CBFA2T3: variants seen among roughly 807,000 people sequenced by gnomAD.
CBFA2T3 encodes transcriptional corepressor CBFA2T3.
CBFA2T3 carries 31 observed loss-of-function variants against 58.6 expected under a neutral mutation model. The observed-to-expected ratio is 0.53, with a 90% CI of 0.40 to 0.71. CBFA2T3 has a LOEUF of 0.71. CBFA2T3 is among the 30% of genes least tolerant of loss of function. CBFA2T3 has a pLI of 0.00. For synonymous variants in CBFA2T3, 531 were observed against 421.9 expected (o/e 1.26, Z -3.17); for missense variants, 1,076 against 963.1 (o/e 1.12, Z -1.55).
intron 9 of CBFA2T3, 128 bp from the exon 10 acceptor site, chr16:88,880,916 G>A (rs1969043030): frequency 2.3e-6 from 2 of 875,792 alleles, no homozygotes; most frequent in African/African-American, 1.7e-5. Flanking sequence ...GGAGGCCCAG[G>A]TGCCCTCGGA....
rs924737729 is a variant in CBFA2T3, at chr16:88,953,242, C to T, written c.151+23415G>A. Among the ~76,000 whole-genome samples the T allele has an allele frequency of 1.3e-5, 2 of 152,166 alleles. No individual in the cohort carries two copies. Among genetic ancestry groups the T allele is most frequent in the African/African-American group, 4.8e-5 (2 of 41,432 alleles). On this transcript the variant is annotated intron_variant, in intron 1 of 11. Transcript: ENST00000268679. The surrounding 1 kb of genome is among the most constrained non-coding windows in gnomAD (Gnocchi z 4.9). ...CCAGACCCGCTCCCGGTGGAGAGGC[C>T]GAGGGACCCTCATTTCTACGTTTGC... is the stretch of plus-strand genomic sequence containing the variant.
At chr16:88,911,212 G>A (rs951596039) in intron 1 of CBFA2T3, among the ~76,000 whole-genome samples, 2 of 152,262 alleles carry the variant, frequency 1.3e-5, no homozygotes, top group Non-Finnish European at 2.9e-5. Flanking sequence ...GCCGTGGACA[G>A]GAACAAGGGA....
Position 88,881,448 on chromosome 16 carries a change from GC to G in CBFA2T3, c.1244del (p.Arg415ProfsTer53). 6.2e-7 allele frequency: 1 copy of G among 1,609,846 alleles called. No homozygotes were observed. The highest frequency in any genetic ancestry group is 8.5e-7 in the Non-Finnish European group (1 of 1,178,480). On this transcript the variant is annotated frameshift_variant, in exon 9 of 12. Coordinates refer to ENST00000268679, the MANE Select transcript of CBFA2T3 (RefSeq NM_005187.6). LOFTEE classifies it high-confidence loss of function. ...CIMDMVEKTRRSLTVLRRCQE... is the reference protein window; with the variant it reads ...CIMDMVEKTRXSLTVLRRCQE... ...GGCACCTGCGCAGCACCGTGAGCGA[GC>G]GCCGCGTCTTCTCCACCATGTCCAT...
chr16:88,966,385 G>A (rs374298420), intron 1 of CBFA2T3, among the ~76,000 whole-genome samples: 11 of 151,952 alleles, frequency 7.2e-5, no homozygotes, highest in Admixed American at 3.3e-4. Flanking sequence ...AGAGCAGAGC[G>A]GGGGATCGCG....
At chr16:88,936,225 C>G (rs895320024) in intron 1 of CBFA2T3, among the ~76,000 whole-genome samples, 1 of 152,216 alleles carries the variant, frequency 6.6e-6, no homozygotes. Flanking sequence ...CTGACTGCCC[C>G]GGGCATTTCC....
chr16:88,902,030 C>T (rs1171431815), intron 1 of CBFA2T3, among the ~76,000 whole-genome samples: 1 of 152,194 alleles, frequency 6.6e-6, no homozygotes, highest in East Asian at 1.9e-4. Context: ...GGGGGGTGTT[C>T]AGACAGACCT....
chr16:88,901,517 G>A lies in CBFA2T3; in HGVS notation c.291C>T (p.Phe97=). ...GGGGCTACTTACGTGTGTGTGGCGTGAAGGAGGGGGGGCGTGTGGCCCCCT... is the reference window on the plus strand; with the variant it reads ...GGGGCTACTTACGTGTGTGTGGCGTAAAGGAGGGGGGGCGTGTGGCCCCCT... The part of the protein sequence containing the change: ...ASQGATRPPS[F]TPHTHREDGP... Residue 97 remains phenylalanine, a synonymous_variant, in exon 2 of 12, where the codon TTC becomes TTT. Coordinates refer to ENST00000268679, the MANE Select transcript of CBFA2T3 (RefSeq NM_005187.6). The A allele has an allele frequency of 2.0e-6, 3 of 1,476,940 alleles. No individual in the cohort carries two copies. The highest frequency in any genetic ancestry group is 1.5e-5 in the African/African-American group (1 of 67,368). The allele number at this position is 1,476,940 out of a possible 1,614,324, so 91.5% of individuals were successfully genotyped here. A position where few individuals can be genotyped will look rare whatever the true frequency, so the allele number is the denominator to read the frequency against.
chr16:88,976,969 C>T lies in CBFA2T3; in HGVS notation c.-162G>A. The stretch of plus-strand genomic sequence containing the variant: ...CCCTGGAAAGCCGAGGCCCTCCCGG[C>T]CACCAACTGGGTGTCCTCTGCCCTG... On this transcript the variant is annotated 5_prime_UTR_variant, in exon 1 of 12. It introduces an in-frame stop codon into an upstream open reading frame of the 5' UTR. Transcript: ENST00000268679. The T allele has an allele frequency of 1.3e-6, 1 of 799,408 alleles. No individual in the cohort carries two copies. The highest frequency in any genetic ancestry group is 1.9e-6 in the Non-Finnish European group (1 of 522,544). 49.5% of individuals were successfully genotyped at this position (799,408 alleles called of 1,614,324 possible). A position where few individuals can be genotyped will look rare whatever the true frequency, so the allele number is the denominator to read the frequency against.
intron 10 of CBFA2T3, 189 bp from the exon 11 acceptor site, chr16:88,879,649 C>A (rs1266530804): frequency 6.9e-6 from 4 of 576,432 alleles, no homozygotes; most frequent in African/African-American, 3.7e-5. Context: ...TGTGCACACA[C>A]AGACACACGT....
chr16:88,911,971 C>T lies in CBFA2T3; in HGVS notation c.152-10315G>A, dbSNP rs149156088. On this transcript the variant is annotated intron_variant, in intron 1 of 11. Transcript: ENST00000268679. ...TGCCCACCGGCTGCCATCACCAACACGAACAGGTACCCAGGGCATGCCTTC... is the reference window on the plus strand; with the variant it reads ...TGCCCACCGGCTGCCATCACCAACATGAACAGGTACCCAGGGCATGCCTTC... Among the ~76,000 whole-genome samples, 552 of 152,362 alleles carry T rather than the reference C, an allele frequency of 3.6e-3. 1 individual carries two copies. Among genetic ancestry groups the T allele is most frequent in the African/African-American group, 0.013 (527 of 41,600 alleles).
At chr16:88,908,320 C>A (rs1374195159) in intron 1 of CBFA2T3, among the ~76,000 whole-genome samples, 2 of 148,752 alleles carry the variant, frequency 1.3e-5, no homozygotes, top group African/African-American at 5.0e-5. Context: ...CCAGCCTGGA[C>A]AACGGAGCGA....
chr16:88,947,961 C>T (rs1222292787), intron 1 of CBFA2T3, among the ~76,000 whole-genome samples: 2 of 152,078 alleles, frequency 1.3e-5, no homozygotes, highest in African/African-American at 2.4e-5. Context: ...GAAGACATCT[C>T]GTAAAAGGAG....
chr16:88,908,252 G>T (rs1175060906), intron 1 of CBFA2T3, among the ~76,000 whole-genome samples: 2 of 151,472 alleles, frequency 1.3e-5, no homozygotes, highest in East Asian at 3.9e-4. Context: ...TGAGGCCGGA[G>T]AATTACTTCA....
rs763080878 is a variant in CBFA2T3, at chr16:88,898,100, T to C, written c.357A>G (p.Leu119=). The C allele has an allele frequency of 6.2e-7, 1 of 1,612,248 alleles. No individual in the cohort carries two copies. Among genetic ancestry groups the C allele is most frequent in the African/African-American group, 1.3e-5 (1 of 75,006 alleles). The change falls in exon 3 of 12, where the codon TTA becomes TTG. Residue 119 remains leucine, a synonymous_variant. Coordinates refer to ENST00000268679, the MANE Select transcript of CBFA2T3 (RefSeq NM_005187.6). ...TACAGAGACAGACCATAGACCATTT[T>C]AAGCAGCCATGAAAACGGCCGTGGG... The part of the protein sequence containing the change: ...TLPHGRFHGC[L]KWSMVCLLMN...
Position 88,923,261 on chromosome 16 carries a change from C to CG in CBFA2T3, c.152-21606dup, listed in dbSNP as rs897690498. 5.3e-5 allele frequency among the ~76,000 whole-genome samples: 8 copies of CG among 152,258 alleles called. No individual in the cohort carries two copies. In the East Asian group the frequency reaches 1.2e-3, roughly 22 times the overall value. On this transcript the variant is annotated intron_variant, in intron 1 of 11. Transcript: ENST00000268679. The stretch of plus-strand genomic sequence containing the variant: ...GGGCCTCAGCGTTCTCCCTGTGAAA[C>CG]GGGGGGGACCCGCACCCCCTCCTCA...
At position 88,879,251 on chromosome 16, in the gene CBFA2T3, C is replaced by T. The variant is rs374738238; in HGVS notation, c.1662+19G>A. 3.6e-5 allele frequency: 57 copies of T among 1,573,536 alleles called. No individual in the cohort carries two copies. The African/African-American group carries it at 3.9e-4, about 11-fold the overall frequency. On this transcript the variant is annotated intron_variant, in intron 11 of 11. Transcript: ENST00000268679. ...AGCCGAGGCAGGGGATGGGTGTCAG[C>T]GTGGCCGGGTGGCCCTACCTCGCTG...
intron 5 of CBFA2T3, among the ~76,000 whole-genome samples, chr16:88,889,849 C>T (rs912008511): frequency 6.9e-6 from 1 of 145,218 alleles, no homozygotes; most frequent in African/African-American, 2.6e-5. Context: ...GATTCCTCCT[C>T]CTCCAGGGAC....
intron 1 of CBFA2T3, among the ~76,000 whole-genome samples, chr16:88,960,032 T>A (rs1972320587): frequency 6.7e-6 from 1 of 149,916 alleles, no homozygotes. Flanking sequence ...TTCCAAAAAA[T>A]AATAATAATA....
intron 1 of CBFA2T3, among the ~76,000 whole-genome samples, chr16:88,975,253 C>T (rs114928750): frequency 0.014 from 1,803 of 124,982 alleles, 17 homozygotes; most frequent in South Asian, 0.028. Context: ...CCCGCCCTGA[C>T]CCTCTGTTTC....
Sources: gnomAD v4.1 joint callset for allele counts (sites outside exome capture counted in the v4.1 genomes callset) on GRCh38, gnomAD v4.1.1 for gene constraint, Gnocchi (gnomAD v3.1) non-coding constraint, MANE v1.5 for transcripts, NCBI Gene and HGNC (gene_info 2026-07-23, HGNC 2026-07-21) for gene names.